SLC13A4: variants seen among roughly 807,000 people sequenced by gnomAD.
SLC13A4 encodes Na(+)/sulfate cotransporter SUT-1.
A neutral mutation model predicts 72.7 loss-of-function variants in SLC13A4; 28 were observed. The observed-to-expected ratio is 0.39, with a 90% CI of 0.29 to 0.53. SLC13A4 has a LOEUF of 0.53. Among genes scored for constraint, SLC13A4 ranks in the 20% least tolerant of loss-of-function variants. SLC13A4 has a pLI of 0.78. For missense variants in SLC13A4, 653 were observed against 788.0 expected (o/e 0.83, Z 2.05); for synonymous variants, 312 against 325.5 (o/e 0.96, Z 0.45).
intron 2 of SLC13A4, among the ~76,000 whole-genome samples, chr7:135,720,554 TAAAA>T (rs33993859): frequency 8.9e-4 from 111 of 124,248 alleles, no homozygotes; most frequent in Admixed American, 2.7e-3. Context: ...GCTTTTTCAT[TAAAA>T]AAAAAAAAAA....
chr7:135,710,613 G>C (rs1796279602), intron 2 of SLC13A4, among the ~76,000 whole-genome samples: 1 of 152,150 alleles, frequency 6.6e-6, no homozygotes. Flanking sequence ...TGAGGAAAGA[G>C]ACTGCTGACT....
chr7:135,691,437 G>A (rs1252801256), intron 12 of SLC13A4, 111 bp downstream of exon 12: 3 of 550,076 alleles, frequency 5.5e-6, no homozygotes, highest in Non-Finnish European at 1.0e-5. Flanking sequence ...TGGGGCGGGG[G>A]CCGGGAGGGG....
chr7:135,687,556 TCTTC>T (rs1795661364), intron 13 of SLC13A4, among the ~76,000 whole-genome samples: 1 of 152,220 alleles, frequency 6.6e-6, no homozygotes, highest in Non-Finnish European at 1.5e-5. Context: ...GTAGAACTTT[TCTTC>T]CTTTTTTTCC....
At position 135,694,176 on chromosome 7, in the gene SLC13A4, T is replaced by C; in HGVS notation, c.1082A>G (p.Lys361Arg). ...KKTKREQLSE[K>R]RIQEEYEKLG... is the part of the protein sequence containing the mutation. ...TTTTTCATATTCTTCTTGGATCCTC[T>C]TCTCTGACAACTGTTCCCTTTTGGT... Residue 361 changes from lysine to arginine, a missense_variant, in exon 10 of 16, where the codon AAG becomes AGG. Physicochemically the swap from Lys to Arg is conservative, Grantham distance 26. Coordinates refer to ENST00000682651, the MANE Select transcript of SLC13A4 (RefSeq NM_001318192.2). 1 of 1,613,312 alleles carries C rather than the reference T, an allele frequency of 6.2e-7. No individual in the cohort carries two copies. The highest frequency in any genetic ancestry group is 8.5e-7 in the Non-Finnish European group (1 of 1,179,238).
chr7:135,710,447 A>G (rs1796274947), intron 2 of SLC13A4, among the ~76,000 whole-genome samples: 1 of 152,230 alleles, frequency 6.6e-6, no homozygotes, highest in Non-Finnish European at 1.5e-5. Context: ...CTATAACAAG[A>G]AGTCAACTGA....
intron 15 of SLC13A4, chr7:135,683,488 G>GC (rs1261359922): frequency 5.1e-6 from 5 of 973,316 alleles, no homozygotes; most frequent in African/African-American, 1.8e-5. Context: ...CTCCCCCCCC[G>GC]CTCAGCCCTG....
intron 2 of SLC13A4, among the ~76,000 whole-genome samples, chr7:135,715,102 T>C (rs1432150051): frequency 6.6e-6 from 1 of 151,640 alleles, no homozygotes; most frequent in African/African-American, 2.4e-5. Context: ...TGTATGTGTG[T>C]GAGCGTGTAT....
At chr7:135,706,386 G>T (rs1170910952) in intron 3 of SLC13A4, 86 bp from the exon 4 acceptor site, 1 of 1,414,350 alleles carries the variant, frequency 7.1e-7, no homozygotes, top group Non-Finnish European at 9.6e-7. Flanking sequence ...AACCTGCTGG[G>T]GCTGGTCTAG....
chr7:135,720,553 TTA>T lies in SLC13A4; in HGVS notation c.228+840_228+841del, dbSNP rs1491403232. Among the ~76,000 whole-genome samples, 427 of 70,616 alleles carry T rather than the reference TTA, an allele frequency of 6.0e-3. 4 individuals are homozygous for T. The highest frequency in any genetic ancestry group is 0.021 in the African/African-American group (406 of 19,622). The allele number at this position is 70,616 out of a possible 152,430, so 46.3% of individuals were successfully genotyped here. A position where few individuals can be genotyped will look rare whatever the true frequency, so the allele number is the denominator to read the frequency against. On this transcript the variant is annotated intron_variant, in intron 2 of 15. Transcript: ENST00000682651. ...CATCTCAGTGATTCAGGCTTTTTCA[TTA>T]AAAAAAAAAAAAAAAAAAACCAAAA...
At position 135,706,237 on chromosome 7, in the gene SLC13A4, G is replaced by A. The variant is rs756633548; in HGVS notation, c.429C>T (p.Thr143=). The change falls in exon 4 of 16, where the codon ACC becomes ACT. Residue 143 remains threonine (T), a synonymous_variant. Coordinates refer to ENST00000682651, the MANE Select transcript of SLC13A4 (RefSeq NM_001318192.2). ...LLSMWLSNTS[T]TAMVMPIVEA... ...CCACGATGGGCATCACCATGGCGGT[G>A]GTGGAGGTGTTGGACAGCCACATGG... The A allele has an allele frequency of 1.2e-6, 2 of 1,613,952 alleles. No homozygotes were observed. Among genetic ancestry groups the A allele is most frequent in the Admixed American group, 1.7e-5 (1 of 60,030 alleles).
chr7:135,691,459 G>A, intron 12 of SLC13A4, 89 bp downstream of exon 12: 3 of 1,488,338 alleles, frequency 2.0e-6, no homozygotes, highest in Non-Finnish European at 2.8e-6. Context: ...GTGGGAATCT[G>A]AAGGACCTTG....
At chr7:135,706,978 A>G (rs975583244) in intron 3 of SLC13A4, among the ~76,000 whole-genome samples, 7 of 152,348 alleles carry the variant, frequency 4.6e-5, no homozygotes, top group Admixed American at 3.3e-4. Flanking sequence ...CTGTACAGAC[A>G]TGTCCTAGTT....
At chr7:135,687,433 T>C (rs774110000) in intron 13 of SLC13A4, among the ~76,000 whole-genome samples, 1 of 152,244 alleles carries the variant, frequency 6.6e-6, no homozygotes. Flanking sequence ...CTCTTCCAAA[T>C]TCATCAAAAG....
At chr7:135,695,058 G>A (rs1132590) in intron 9 of SLC13A4, among the ~76,000 whole-genome samples, 1 of 152,270 alleles carries the variant, frequency 6.6e-6, no homozygotes, top group African/African-American at 2.4e-5. Flanking sequence ...TGTATGCTTT[G>A]AGAGCAATAA....
Position 135,726,932 on chromosome 7 carries a change from A to G in SLC13A4, c.99+466T>C, listed in dbSNP as rs558595999. On this transcript the variant is annotated intron_variant, in intron 1 of 15. Coordinates refer to ENST00000682651, the MANE Select transcript of SLC13A4 (RefSeq NM_001318192.2). ...ACCAGGACACGACCACAGACCACGG[A>G]TTGGCTCCACGGTTCTCTTCCTCCC... 9.9e-5 allele frequency among the ~76,000 whole-genome samples: 15 copies of G among 152,236 alleles called. 1 individual carries two copies. The South Asian group carries it at 2.9e-3, about 29-fold the overall frequency.
chr7:135,688,975 TC>T (rs1795707315), intron 13 of SLC13A4: 1 of 152,124 alleles, frequency 6.6e-6, no homozygotes, highest in African/African-American at 2.4e-5. Flanking sequence ...AGCTTTGAAC[TC>T]CTGGGCTCAA....
chr7:135,719,894 A>G (rs1210870333), intron 2 of SLC13A4, among the ~76,000 whole-genome samples: 1 of 148,606 alleles, frequency 6.7e-6, no homozygotes, highest in Non-Finnish European at 1.5e-5. Context: ...AAGGAAAGAG[A>G]GAGAGAGAGG....
In SLC13A4 at chr7:135,701,777, C is replaced by T. The variant is rs1271829862; in HGVS notation, c.634-17G>A. 1 of 1,612,692 alleles carries T rather than the reference C, an allele frequency of 6.2e-7. No homozygotes were observed. The highest frequency in any genetic ancestry group is 2.2e-5 in the East Asian group (1 of 44,800). On this transcript the variant is annotated splice_polypyrimidine_tract_variant and intron_variant, in intron 6 of 15. Transcript: ENST00000682651. ...ATTCAGGTTCTGTTGGGACAAAGGC[C>T]ATCTCACTATTAGGAAGAGGAAGTG...
chr7:135,727,310 C>A, intron 1 of SLC13A4, 88 bp downstream of exon 1: 1 of 1,490,868 alleles, frequency 6.7e-7, no homozygotes, highest in Non-Finnish European at 9.0e-7. Context: ...TGAGGGACTG[C>A]CTGAGCGCCC....
Sources: allele counts gnomAD v4.1 joint callset (sites outside exome capture counted in the v4.1 genomes callset), GRCh38; gene constraint gnomAD v4.1.1; transcripts MANE v1.5; gene names NCBI Gene and HGNC (gene_info 2026-07-23, HGNC 2026-07-21).